The following PPHLN1 variants were observed in gnomAD, a reference collection of about 807,000 sequenced individuals.
PPHLN1 encodes periphilin 1, also known as periphilin-1.
Under a neutral mutation model 51.3 loss-of-function variants are expected in PPHLN1, and 29 were observed. That is an observed-to-expected ratio of 0.57 (90% confidence interval 0.42 to 0.77). The LOEUF (loss-of-function observed/expected upper bound fraction) is 0.77. Among genes scored for constraint, PPHLN1 ranks in the 30% least tolerant of loss-of-function variants. The probability of loss-of-function intolerance (pLI) is 0.00; values close to 1 mark genes in which losing one functional copy is unlikely to be tolerated. For synonymous variants in PPHLN1, 147 were observed against 147.8 expected, an observed-to-expected ratio of 0.99 and a Z score of 0.04; for missense variants, 436 against 438.4, an observed-to-expected ratio of 0.99 and a Z score of 0.05.
intron 2 of PPHLN1, among the ~76,000 whole-genome samples, chr12:42,350,604 C>T (rs552415496): frequency 2.6e-5 from 4 of 152,240 alleles, no homozygotes; most frequent in East Asian, 3.9e-4. Context: ...TTTGGGAGGC[C>T]AAGGCAGGCG....
chr12:42,351,518 A>C (rs1199107102), intron 2 of PPHLN1: 1 of 155,998 alleles, frequency 6.4e-6, no homozygotes, highest in African/African-American at 2.4e-5. Context: ...AACAAATATG[A>C]GAGCTGTCTT....
At chr12:42,444,761 C>T, downstream of PPHLN1, 1 of 380,436 alleles carries the variant, frequency 2.6e-6, no homozygotes, top group Non-Finnish European at 4.7e-6. Flanking sequence ...TAAAACATGC[C>T]CTTCCTGCTG....
At chr12:42,373,554 C>T (rs1391895026) in intron 4 of PPHLN1, among the ~76,000 whole-genome samples, 3 of 152,176 alleles carry the variant, frequency 2.0e-5, no homozygotes, top group Admixed American at 6.5e-5. Context: ...TGGTATGTCT[C>T]TTAGCACTCT....
intron 2 of PPHLN1, among the ~76,000 whole-genome samples, chr12:42,339,742 A>G (rs1036487671): frequency 5.3e-5 from 8 of 152,312 alleles, no homozygotes; most frequent in African/African-American, 1.9e-4. Context: ...TGGTGGTTTC[A>G]TTGCTGTAAT....
intron 2 of PPHLN1, among the ~76,000 whole-genome samples, chr12:42,345,550 T>C (rs933890062): frequency 6.6e-6 from 1 of 151,508 alleles, no homozygotes; most frequent in African/African-American, 2.4e-5. Context: ...TTGGAAATTC[T>C]AGTAACATCC....
At chr12:42,417,680 CT>C (rs1440846665) in intron 9 of PPHLN1, among the ~76,000 whole-genome samples, 1 of 151,362 alleles carries the variant, frequency 6.6e-6, no homozygotes, top group African/African-American at 2.4e-5. Context: ...AAGTTGCCCC[CT>C]GATAAGGTGG....
downstream of PPHLN1, chr12:42,446,621 G>A (rs1379410101): frequency 1.2e-6 from 2 of 1,613,140 alleles, no homozygotes; most frequent in South Asian, 1.1e-5. Flanking sequence ...AGCAGTAACT[G>A]CTATGCCTGA....
chr12:42,361,168 T>C (rs2074633800), intron 4 of PPHLN1: 1 of 152,388 alleles, frequency 6.6e-6, no homozygotes, highest in African/African-American at 2.4e-5. Flanking sequence ...ATGGGATTGG[T>C]GCCTTATTAA....
intron 9 of PPHLN1, among the ~76,000 whole-genome samples, chr12:42,421,150 T>C (rs2080969242): frequency 1.3e-5 from 2 of 152,146 alleles, no homozygotes; most frequent in South Asian, 4.1e-4. Flanking sequence ...TCAGAGATAA[T>C]TAAAAATCAA....
chr12:42,362,486 A>G (rs536101008), intron 4 of PPHLN1, among the ~76,000 whole-genome samples: 1 of 152,290 alleles, frequency 6.6e-6, no homozygotes, highest in Admixed American at 6.5e-5. Flanking sequence ...TGTCCACGTC[A>G]TTCTTTGGTC....
intron 9 of PPHLN1, among the ~76,000 whole-genome samples, chr12:42,431,103 A>G (rs1170753617): frequency 3.3e-5 from 5 of 152,342 alleles, no homozygotes; most frequent in South Asian, 2.1e-4. Context: ...GTCACTGCCA[A>G]ATATCACCCA....
At chr12:42,393,925 G>A (rs985309586) in intron 8 of PPHLN1, among the ~76,000 whole-genome samples, 9 of 152,080 alleles carry the variant, frequency 5.9e-5, no homozygotes, top group Admixed American at 1.3e-4. Flanking sequence ...TAAATATGGA[G>A]TATAAGAAAA....
intron 7 of PPHLN1, among the ~76,000 whole-genome samples, chr12:42,388,319 C>T (rs761248299): frequency 6.6e-5 from 10 of 152,256 alleles, no homozygotes; most frequent in African/African-American, 1.2e-4. Context: ...GACATGCTGG[C>T]GGCAATGCTG....
intron 9 of PPHLN1, chr12:42,399,241 G>A: frequency 9.5e-7 from 1 of 1,049,114 alleles, no homozygotes; most frequent in Non-Finnish European, 1.2e-6. Flanking sequence ...ATTCTAGTTA[G>A]TATGAAGCAA....
chr12:42,374,806 T>C (rs2138765705), intron 4 of PPHLN1, 57 bp from the exon 5 acceptor site: 1 of 1,385,440 alleles, frequency 7.2e-7, no homozygotes, highest in African/African-American at 1.5e-5. Context: ...GCCATTGTGC[T>C]TGTATATAGA....
intron 9 of PPHLN1, among the ~76,000 whole-genome samples, chr12:42,413,928 C>T (rs1013277405): frequency 3.9e-5 from 6 of 151,928 alleles, no homozygotes; most frequent in African/African-American, 9.7e-5. Flanking sequence ...TTGTTTTTGG[C>T]TTAGGATTGC....
At chr12:42,426,172 C>CCCCACA (rs2081440907) in intron 9 of PPHLN1, among the ~76,000 whole-genome samples, 5 of 122,126 alleles carry the variant, frequency 4.1e-5, no homozygotes, top group African/African-American at 1.4e-4. Flanking sequence ...AGACTTGACA[C>CCCCACA]CACACACACA....
At chr12:42,352,397 T>G (rs563507247) in intron 3 of PPHLN1, among the ~76,000 whole-genome samples, 1 of 151,952 alleles carries the variant, frequency 6.6e-6, no homozygotes, top group South Asian at 2.1e-4. Context: ...CATTTCTTAC[T>G]AGATAACCCA....
intron 2 of PPHLN1, among the ~76,000 whole-genome samples, chr12:42,341,161 T>C (rs1484658827): frequency 6.6e-6 from 1 of 152,060 alleles, no homozygotes; most frequent in Admixed American, 6.6e-5. Context: ...TTTGTATTTT[T>C]TAGTAGAGGT....
Sources: allele counts gnomAD v4.1 joint callset (sites outside exome capture counted in the v4.1 genomes callset), GRCh38; gene constraint gnomAD v4.1.1; transcripts MANE v1.5; gene names NCBI Gene and HGNC (gene_info 2026-07-23, HGNC 2026-07-21).